The following CORIN variants were observed in gnomAD, a reference collection of about 807,000 sequenced individuals.
CORIN encodes corin, serine peptidase, also known as atrial natriuretic peptide-converting enzyme.
A neutral mutation model predicts 125.3 loss-of-function variants in CORIN; 117 were observed. The ratio of observed to expected loss-of-function variants is 0.93; its 90% CI spans 0.80 to 1.09. The LOEUF (loss-of-function observed/expected upper bound fraction) is 1.09. CORIN is among the 50% of genes least tolerant of loss of function. The probability of loss-of-function intolerance (pLI) is 0.00; values close to 1 mark genes in which losing one functional copy is unlikely to be tolerated. For synonymous variants in CORIN, 450 were observed against 466.4 expected, an observed-to-expected ratio of 0.96 and a Z score of 0.45; for missense variants, 1,253 against 1,306.7, an observed-to-expected ratio of 0.96 and a Z score of 0.63.
intron 5 of CORIN, among the ~76,000 whole-genome samples, chr4:47,739,273 G>T (rs1365099347): frequency 6.6e-6 from 1 of 152,004 alleles, no homozygotes; most frequent in Admixed American, 6.6e-5. Flanking sequence ...TCAAAAATCA[G>T]ACACAGAAAA....
chr4:47,820,270 TA>T (rs1185259427), intron 1 of CORIN, among the ~76,000 whole-genome samples: 2 of 144,540 alleles, frequency 1.4e-5, no homozygotes, highest in Non-Finnish European at 3.0e-5. Flanking sequence ...TAGAGGGAAA[TA>T]ATGAGGGTGA....
At chr4:47,712,250 T>C (rs1332807741) in intron 5 of CORIN, among the ~76,000 whole-genome samples, 1 of 152,170 alleles carries the variant, frequency 6.6e-6, no homozygotes, top group African/African-American at 2.4e-5. Flanking sequence ...TCATGATATA[T>C]ATGATAATAT....
chr4:47,694,304 A>G (rs573102770), intron 5 of CORIN, among the ~76,000 whole-genome samples: 1 of 152,304 alleles, frequency 6.6e-6, no homozygotes, highest in East Asian at 1.9e-4. Context: ...ACTGTATTGT[A>G]TTCTGCATTT....
In CORIN at chr4:47,693,085, T is replaced by TA. The variant is rs759496197; in HGVS notation, c.800-3dup. On this transcript the variant is annotated splice_polypyrimidine_tract_variant and splice_region_variant and intron_variant, in intron 5 of 21. Transcript: ENST00000273857. ...AGTTCTCACCCCTTCCACAGAGCAC[T>TA]AAAAAAAAAGGGCAGGAAATAATGT... The TA allele has an allele frequency of 1.7e-3, 2,588 of 1,521,132 alleles. No individual in the cohort carries two copies. The highest frequency in any genetic ancestry group is 2.0e-3 in the Non-Finnish European group (2,226 of 1,115,432). The allele number at this position is 1,521,132 out of a possible 1,614,324, so 94.2% of individuals were successfully genotyped here.
chr4:47,726,251 A>G (rs2109805927), intron 5 of CORIN, among the ~76,000 whole-genome samples: 1 of 152,234 alleles, frequency 6.6e-6, no homozygotes, highest in South Asian at 2.1e-4. Context: ...TAAAAACTGT[A>G]AGTGAATGTT....
chr4:47,751,086 A>G (rs1346979727), intron 4 of CORIN, among the ~76,000 whole-genome samples: 1 of 152,172 alleles, frequency 6.6e-6, no homozygotes, highest in African/African-American at 2.4e-5. Context: ...CAGGGATCCA[A>G]TTTACCAGCA....
intron 6 of CORIN, 29 bp from the exon 7 acceptor site, chr4:47,683,867 C>T: frequency 6.7e-7 from 1 of 1,503,260 alleles, no homozygotes; most frequent in Non-Finnish European, 9.2e-7. Context: ...ACCAGTGTGT[C>T]ATCAGAGCCA....
Position 47,723,979 on chromosome 4 carries a change from G to C in CORIN, c.799+20423C>G, listed in dbSNP as rs1409249302. On this transcript the variant is annotated intron_variant, in intron 5 of 21. Transcript: ENST00000273857. ...CCACAGCACTCCAGCCTGGACGACAGAGTGAGACTCCATCTCAAAAAAAAA... is the reference window on the plus strand; with the variant it reads ...CCACAGCACTCCAGCCTGGACGACACAGTGAGACTCCATCTCAAAAAAAAA... 2.3e-5 allele frequency among the ~76,000 whole-genome samples: 3 copies of C among 133,056 alleles called. No individual in the cohort carries two copies. The South Asian group carries it at 7.3e-4, about 32-fold the overall frequency. The allele number at this position is 133,056 out of a possible 152,430, so 87.3% of individuals were successfully genotyped here.
At chr4:47,737,486 G>C (rs1002495224) in intron 5 of CORIN, among the ~76,000 whole-genome samples, 1 of 152,182 alleles carries the variant, frequency 6.6e-6, no homozygotes, top group East Asian at 1.9e-4. Flanking sequence ...ATGACTGATT[G>C]AGGTGGAGAC....
At chr4:47,648,600 T>C (rs1723598626) in intron 13 of CORIN, among the ~76,000 whole-genome samples, 2 of 152,162 alleles carry the variant, frequency 1.3e-5, no homozygotes, top group Non-Finnish European at 2.9e-5. Flanking sequence ...CAGTTGTCAT[T>C]ACAAATAAAG....
chr4:47,735,905 G>A (rs1033899039), intron 5 of CORIN, among the ~76,000 whole-genome samples: 4 of 140,072 alleles, frequency 2.9e-5, no homozygotes, highest in Admixed American at 1.5e-4. Context: ...CAGCCTGGGC[G>A]ACAGAGACTC....
chr4:47,819,931 C>G (rs901091814), intron 1 of CORIN, among the ~76,000 whole-genome samples: 20 of 152,178 alleles, frequency 1.3e-4, no homozygotes, highest in African/African-American at 4.8e-4. Context: ...ATACAGAATG[C>G]TCCCAATAAT....
At chr4:47,643,354 A>AG in intron 14 of CORIN, 98 bp from the exon 15 acceptor site, 3 of 1,113,288 alleles carry the variant, frequency 2.7e-6, no homozygotes, top group Non-Finnish European at 3.8e-6. Context: ...GAGCATGGAA[A>AG]GAAGAAAATA....
chr4:47,746,692 G>A (rs1005248094), intron 4 of CORIN, among the ~76,000 whole-genome samples: 15 of 151,848 alleles, frequency 9.9e-5, no homozygotes, highest in Non-Finnish European at 2.1e-4. Context: ...GCGCCACCTC[G>A]CCCGGCTAAT....
chr4:47,752,936 G>A (rs961045615), intron 4 of CORIN, among the ~76,000 whole-genome samples: 1 of 152,200 alleles, frequency 6.6e-6, no homozygotes, highest in Non-Finnish European at 1.5e-5. Context: ...AGGATGCCAT[G>A]AATACGGATA....
chr4:47,627,992 TC>T (rs1324845495), intron 16 of CORIN, among the ~76,000 whole-genome samples: 1 of 152,084 alleles, frequency 6.6e-6, no homozygotes, highest in Non-Finnish European at 1.5e-5. Flanking sequence ...TCCACAGACA[TC>T]CACAGGATGT....
chr4:47,747,222 GC>G (rs1419208980), intron 4 of CORIN, among the ~76,000 whole-genome samples: 1 of 151,932 alleles, frequency 6.6e-6, no homozygotes, highest in Non-Finnish European at 1.5e-5. Context: ...TCTCAATTAA[GC>G]TTTTAAATAA....
At chr4:47,603,840 A>AG (rs1490952883) in intron 19 of CORIN, among the ~76,000 whole-genome samples, 172 bp from the exon 20 acceptor site, 1 of 152,236 alleles carries the variant, frequency 6.6e-6, no homozygotes, top group Non-Finnish European at 1.5e-5. Context: ...TTAGCAAGTA[A>AG]GTATTATTGT....
chr4:47,744,297 G>C, intron 5 of CORIN, 105 bp downstream of exon 5: 2 of 1,060,838 alleles, frequency 1.9e-6, no homozygotes, highest in East Asian at 5.0e-5. Flanking sequence ...CTTGTCACTT[G>C]GTTAAAATTT....
Sources: gnomAD v4.1 joint callset for allele counts (sites outside exome capture counted in the v4.1 genomes callset) on GRCh38, gnomAD v4.1.1 for gene constraint, MANE v1.5 for transcripts, NCBI Gene and HGNC (gene_info 2026-07-23, HGNC 2026-07-21) for gene names.